Variants in CACNA2D4 observed in about 807,000 individuals in gnomAD.
The protein encoded by CACNA2D4 is calcium voltage-gated channel auxiliary subunit alpha2delta 4, also known as voltage-dependent calcium channel subunit alpha-2/delta-4.
CACNA2D4 carries 157 observed loss-of-function variants against 163.8 expected under a neutral mutation model. The observed-to-expected ratio is 0.96, with a 90% confidence interval of 0.84 to 1.09. CACNA2D4 has a LOEUF of 1.09. CACNA2D4 is among the 50% of genes least tolerant of loss of function. The pLI is 0.00. For synonymous variants in CACNA2D4, 598 were observed against 586.9 expected, an observed-to-expected ratio of 1.02 and a Z score of -0.27; for missense variants, 1,410 against 1,479.9, an observed-to-expected ratio of 0.95 and a Z score of 0.78.
rs1332040072 is a variant in CACNA2D4 at position 1,799,046 on chromosome 12, C to T, written c.2995+629G>A. On this transcript the variant is annotated intron_variant, in intron 34 of 37. Transcript: ENST00000382722. The surrounding 1 kb of genome is among the most constrained non-coding windows in gnomAD (Gnocchi z 4.7). Reference sequence around the variant, plus strand: ...GCCCAGGTGGTGGGAAGTTCTGGAACCCCATGGCAAAGGTTCTAGGAACAC... The same window carrying T: ...GCCCAGGTGGTGGGAAGTTCTGGAATCCCATGGCAAAGGTTCTAGGAACAC... Among the ~76,000 whole-genome samples, 2 of 152,208 alleles carry T rather than the reference C, an allele frequency of 1.3e-5. No individual in the cohort carries two copies. The highest frequency in any genetic ancestry group is 1.3e-4 in the Admixed American group (2 of 15,276).
At chr12:1,877,164 C>T (rs2154449364) in intron 16 of CACNA2D4, among the ~76,000 whole-genome samples, 1 of 152,330 alleles carries the variant, frequency 6.6e-6, no homozygotes, top group Admixed American at 6.5e-5. Context: ...TAGCATTCTT[C>T]ACTGCATCGT....
At chr12:1,870,029 T>G (rs1865736141) in intron 18 of CACNA2D4, among the ~76,000 whole-genome samples, 1 of 152,192 alleles carries the variant, frequency 6.6e-6, no homozygotes, top group African/African-American at 2.4e-5. Flanking sequence ...ATTCACATTT[T>G]GTTTGGGTGG....
intron 35 of CACNA2D4, among the ~76,000 whole-genome samples, chr12:1,796,611 C>T (rs1239803622): frequency 6.6e-6 from 1 of 152,236 alleles, no homozygotes; most frequent in Non-Finnish European, 1.5e-5. Flanking sequence ...CTCAACGCTG[C>T]ACAGAACCCG....
intron 6 of CACNA2D4, 103 bp from the exon 7 acceptor site, chr12:1,887,172 C>T (rs1866169287): frequency 1.3e-6 from 1 of 763,982 alleles, no homozygotes; most frequent in African/African-American, 1.7e-5. Flanking sequence ...CAGGGCAGAA[C>T]AGCTTTGGAG....
At chr12:1,885,929 G>C (rs747498401) in intron 9 of CACNA2D4, 36 bp downstream of exon 9, 2 of 1,490,080 alleles carry the variant, frequency 1.3e-6, no homozygotes, top group South Asian at 2.3e-5. Context: ...GACAAGAGCA[G>C]GGGCTTGGAA....
At chr12:1,854,699 C>T (rs1224607033) in intron 22 of CACNA2D4, among the ~76,000 whole-genome samples, 1 of 152,172 alleles carries the variant, frequency 6.6e-6, no homozygotes, top group Non-Finnish European at 1.5e-5. Context: ...AGCCACTGCC[C>T]CTGGCCAGTT....
chr12:1,865,927 T>A (rs942238273), intron 18 of CACNA2D4, among the ~76,000 whole-genome samples: 3 of 152,254 alleles, frequency 2.0e-5, no homozygotes, highest in Non-Finnish European at 4.4e-5. Context: ...ATTCTTGGGA[T>A]GTTCTATGGA....
chr12:1,888,977 C>T (rs555827342), intron 6 of CACNA2D4, among the ~76,000 whole-genome samples: 11 of 152,248 alleles, frequency 7.2e-5, no homozygotes, highest in African/African-American at 1.4e-4. Context: ...ACAAATACCA[C>T]GAAGGCAGCC....
chr12:1,857,662 G>A (rs927546015), intron 20 of CACNA2D4, among the ~76,000 whole-genome samples: 9 of 152,182 alleles, frequency 5.9e-5, no homozygotes, highest in Middle Eastern at 3.2e-3. Context: ...TTGGGCCACA[G>A]TAAGTCACCG....
chr12:1,859,651 T>G (rs1865479672), intron 19 of CACNA2D4, among the ~76,000 whole-genome samples: 1 of 152,224 alleles, frequency 6.6e-6, no homozygotes, highest in African/African-American at 2.4e-5. Context: ...CACCCCCATT[T>G]TACAGATCGA....
At chr12:1,845,165 T>G (rs1865115918) in intron 24 of CACNA2D4, among the ~76,000 whole-genome samples, 1 of 152,082 alleles carries the variant, frequency 6.6e-6, no homozygotes, top group African/African-American at 2.4e-5. Flanking sequence ...CGGGCTCACA[T>G]GTACCAGAAG....
At position 1,802,837 on chromosome 12, in the gene CACNA2D4, C is replaced by T. The variant is rs1863386329; in HGVS notation, c.2722-1193G>A. Among the ~76,000 whole-genome samples, 1 of 152,200 alleles carries T rather than the reference C, an allele frequency of 6.6e-6. No homozygotes were observed. Among genetic ancestry groups the T allele is most frequent in the African/African-American group, 2.4e-5 (1 of 41,448 alleles). Reference sequence around the variant, plus strand: ...CTTTCCCAGCCAGAACAAGGCCTTCCTCTGCACACCGGCAGCCTGTGGAGT... The same window carrying T: ...CTTTCCCAGCCAGAACAAGGCCTTCTTCTGCACACCGGCAGCCTGTGGAGT... On this transcript the variant is annotated intron_variant, in intron 29 of 37. Transcript: ENST00000382722. The surrounding 1 kb of genome is among the most constrained non-coding windows in gnomAD (Gnocchi z 4.7).
intron 26 of CACNA2D4, among the ~76,000 whole-genome samples, chr12:1,823,084 G>A (rs1864174644): frequency 6.6e-6 from 1 of 152,204 alleles, no homozygotes; most frequent in Admixed American, 6.5e-5. Flanking sequence ...CCATGCTGAG[G>A]GGTATGGACT....
At chr12:1,797,368 G>C (rs745392404) in intron 35 of CACNA2D4, 50 bp downstream of exon 35, 29 of 1,358,260 alleles carry the variant, frequency 2.1e-5, no homozygotes, top group Non-Finnish European at 2.8e-5. Flanking sequence ...CCGCCTTGCC[G>C]AGGGCGGGAG....
rs563643863 is a variant in CACNA2D4, at chr12:1,874,371, T to C, written c.1878+233A>G. 2.0e-5 allele frequency among the ~76,000 whole-genome samples: 3 copies of C among 152,294 alleles called. No individual in the cohort carries two copies. The East Asian group carries it at 5.8e-4, about 29-fold the overall frequency. ...TGCCTTGGCCAGCTTTCTCCCCAGC[T>C]CAGCGGTCTCCCAAAAGCCAAGCAT... On this transcript the variant is annotated intron_variant, in intron 18 of 37. Transcript: ENST00000382722. This position sits in a 1 kb window ranked among gnomAD's most constrained non-coding sequence, Gnocchi z 4.4.
rs1863373293 is a variant in CACNA2D4, at chr12:1,802,489, T to C, written c.2722-845A>G. Among the ~76,000 whole-genome samples, 1 of 152,224 alleles carries C rather than the reference T, an allele frequency of 6.6e-6. No individual in the cohort carries two copies. Among genetic ancestry groups the C allele is most frequent in the Non-Finnish European group, 1.5e-5 (1 of 68,036 alleles). Reference sequence around the variant, plus strand: ...CAGCGGCCCCCTAGCTGGCTGAGAATGGCCTCAGGCCCTCCACTCTGCCAC... The same window carrying C: ...CAGCGGCCCCCTAGCTGGCTGAGAACGGCCTCAGGCCCTCCACTCTGCCAC... On this transcript the variant is annotated intron_variant, in intron 29 of 37. Coordinates refer to ENST00000382722, the MANE Select transcript of CACNA2D4 (RefSeq NM_172364.5). The surrounding 1 kb of genome is among the most constrained non-coding windows in gnomAD (Gnocchi z 4.7).
intron 3 of CACNA2D4, among the ~76,000 whole-genome samples, chr12:1,910,482 AG>A (rs1277796769): frequency 2.0e-5 from 3 of 152,190 alleles, no homozygotes; most frequent in Non-Finnish European, 2.9e-5. Context: ...CTGTGGCAAC[AG>A]GGGATGTATG....
At chr12:1,847,997 A>T (rs545190444) in intron 23 of CACNA2D4, among the ~76,000 whole-genome samples, 5 of 152,286 alleles carry the variant, frequency 3.3e-5, no homozygotes, top group Admixed American at 6.5e-5. Context: ...AGGCTCACGC[A>T]TGGCAACGGG....
rs1365094151 is a variant in CACNA2D4 at position 1,828,714 on chromosome 12, T to C, written c.2551+12025A>G. ...ATGCCTCCGCTTTCCCAACTCTCGGTAGAGGACCTAGTGGGCTCGTGGGAT... is the reference window on the plus strand; with the variant it reads ...ATGCCTCCGCTTTCCCAACTCTCGGCAGAGGACCTAGTGGGCTCGTGGGAT... On this transcript the variant is annotated intron_variant, in intron 26 of 37. Coordinates refer to ENST00000382722, the MANE Select transcript of CACNA2D4 (RefSeq NM_172364.5). This position sits in a 1 kb window ranked among gnomAD's most constrained non-coding sequence, Gnocchi z 4.2. Among the ~76,000 whole-genome samples, 4 of 152,186 alleles carry C rather than the reference T, an allele frequency of 2.6e-5. No individual in the cohort carries two copies. The highest frequency in any genetic ancestry group is 9.7e-5 in the African/African-American group (4 of 41,446).
Sources: allele counts gnomAD v4.1 joint callset (sites outside exome capture counted in the v4.1 genomes callset), GRCh38; gene constraint gnomAD v4.1.1; non-coding constraint Gnocchi (gnomAD v3.1); transcripts MANE v1.5; gene names NCBI Gene and HGNC (gene_info 2026-07-23, HGNC 2026-07-21).